SYCP3: variants seen among roughly 807,000 people sequenced by gnomAD.
The protein encoded by SYCP3 is synaptonemal complex protein 3.
Under a neutral mutation model 38.5 loss-of-function variants are expected in SYCP3, and 29 were observed. That is an observed-to-expected ratio of 0.75 (90% CI 0.56 to 1.03). The LOEUF is 1.03. Among genes scored for constraint, SYCP3 ranks in the 50% least tolerant of loss-of-function variants. The probability of loss-of-function intolerance (pLI) is 0.00; values close to 1 mark genes in which losing one functional copy is unlikely to be tolerated. For missense variants in SYCP3, 242 were observed against 270.7 expected (o/e 0.89, Z 0.74); for synonymous variants, 79 against 80.3 (o/e 0.98, Z 0.08).
intron 1 of SYCP3, among the ~76,000 whole-genome samples, chr12:101,738,719 G>A (rs932275785): frequency 1.3e-5 from 2 of 152,244 alleles, no homozygotes; most frequent in Non-Finnish European, 2.9e-5. Flanking sequence ...CTGGGCGACA[G>A]AGTGAGACTT....
At chr12:101,734,795 G>GC in intron 5 of SYCP3, 132 bp downstream of exon 5, 1 of 650,476 alleles carries the variant, frequency 1.5e-6, no homozygotes, top group Admixed American at 2.2e-5. Context: ...TGATCTGCCT[G>GC]CCTTGGCCTC....
rs144021679 is a variant in SYCP3 at position 101,733,777 on chromosome 12, T to C, written c.354-103A>G. On this transcript the variant is annotated intron_variant, in intron 5 of 8. Coordinates refer to ENST00000392924, the MANE Select transcript of SYCP3 (RefSeq NM_001177949.2). ...AGTTATACTATATAAGAAAAGGAAA[T>C]ACCTGCAGCTTAAGTCTTCTGATGG... 1.2e-5 allele frequency: 12 copies of C among 1,011,794 alleles called. No homozygotes were observed. The African/African-American group carries it at 1.3e-4, about 11-fold the overall frequency. The allele number at this position is 1,011,794 out of a possible 1,614,324, so 62.7% of individuals were successfully genotyped here.
At chr12:101,739,106 C>G (rs1358144746) in intron 1 of SYCP3, among the ~76,000 whole-genome samples, 1 of 152,206 alleles carries the variant, frequency 6.6e-6, no homozygotes, top group Non-Finnish European at 1.5e-5. Context: ...AGGTAGGGCC[C>G]TGCCCGGCCC....
Position 101,731,577 on chromosome 12 carries a change from C to T in SYCP3, c.543G>A (p.Gln181=), listed in dbSNP as rs1303790310. Residue 181 remains glutamine (Q), a synonymous_variant, in exon 7 of 9, where the codon CAG becomes CAA. Coordinates refer to ENST00000392924, the MANE Select transcript of SYCP3 (RefSeq NM_001177949.2). ...ACCACATACAACAAACCTTTATGAA[C>T]TGCTCATATAACTGTTTAATTGTTT... ...RLKTIKQLYE[Q]FIKSMEELEK... is the part of the protein sequence containing the mutation. The T allele has an allele frequency of 3.7e-6, 6 of 1,601,016 alleles. No homozygotes were observed. In the African/African-American group the frequency reaches 8.0e-5, roughly 21 times the overall value.
At chr12:101,734,811 G>C (rs1566054457) in intron 5 of SYCP3, 116 bp downstream of exon 5, 1 of 739,878 alleles carries the variant, frequency 1.4e-6, no homozygotes. Context: ...GCCTCCCAAA[G>C]TGCTGGGATT....
rs1430641482 is a variant in SYCP3, at chr12:101,739,339, C to T, written c.-18+12G>A. On this transcript the variant is annotated intron_variant, in intron 1 of 8. Transcript: ENST00000392924. ...GACACCTGCGATAGACAGACGCCTC[C>T]CCTGCTCACACCTGAAACACACCGC... The T allele has an allele frequency of 2.2e-5, 22 of 1,002,718 alleles. No homozygotes were observed. The highest frequency in any genetic ancestry group is 9.4e-5 in the South Asian group (2 of 21,390). The allele number at this position is 1,002,718 out of a possible 1,614,324, so 62.1% of individuals were successfully genotyped here. A position where few individuals can be genotyped will look rare whatever the true frequency, so the allele number is the denominator to read the frequency against.
intron 7 of SYCP3, chr12:101,729,780 A>C (rs1810075157): frequency 6.6e-6 from 1 of 152,388 alleles, no homozygotes. Flanking sequence ...CATAGGAACA[A>C]AACAAAAATT....
intron 5 of SYCP3, among the ~76,000 whole-genome samples, chr12:101,734,353 A>T (rs1952313175): frequency 6.6e-6 from 1 of 152,216 alleles, no homozygotes; most frequent in African/African-American, 2.4e-5. Context: ...TGAGCCTAGG[A>T]GTTCAAGACC....
At chr12:101,735,871 A>ATATATATATATTTT in intron 4 of SYCP3, among the ~76,000 whole-genome samples, 2 of 74,790 alleles carry the variant, frequency 2.7e-5, no homozygotes, top group African/African-American at 1.3e-4. Context: ...ATATATATAT[A>ATATATATATATTTT]TTTTTTTTTT....
At chr12:101,736,706 A>G (rs1300953618) in intron 4 of SYCP3, among the ~76,000 whole-genome samples, 1 of 102,032 alleles carries the variant, frequency 9.8e-6, no homozygotes, top group Non-Finnish European at 1.9e-5. Context: ...GTATGTATGT[A>G]TATGTGTGTG....
Position 101,737,969 on chromosome 12 carries a change from T to A in SYCP3, c.-17-17A>T. On this transcript the variant is annotated splice_polypyrimidine_tract_variant and intron_variant, in intron 1 of 8. Transcript: ENST00000392924. The stretch of plus-strand genomic sequence containing the variant: ...GCTTCCTGACTTTAAAAAACAAATT[T>A]CTTTAACCTTCTGAATGCAAAGACA... 1 of 1,612,468 alleles carries A rather than the reference T, an allele frequency of 6.2e-7. No homozygotes were observed. Among genetic ancestry groups the A allele is most frequent in the Non-Finnish European group, 8.5e-7 (1 of 1,178,886 alleles).
intron 7 of SYCP3, among the ~76,000 whole-genome samples, chr12:101,729,947 A>G (rs1201243939): frequency 2.6e-5 from 4 of 152,140 alleles, no homozygotes; most frequent in South Asian, 2.1e-4. Flanking sequence ...ATGGAAGTAC[A>G]TAGTGAGCTG....
chr12:101,730,870 T>G (rs1274229505), intron 7 of SYCP3, among the ~76,000 whole-genome samples: 1 of 152,194 alleles, frequency 6.6e-6, no homozygotes, highest in Non-Finnish European at 1.5e-5. Context: ...TAATGTTATT[T>G]TAACATGTAT....
At chr12:101,734,739 A>C (rs1240765201) in intron 5 of SYCP3, among the ~76,000 whole-genome samples, 188 bp downstream of exon 5, 3 of 151,978 alleles carry the variant, frequency 2.0e-5, no homozygotes, top group Non-Finnish European at 4.4e-5. Context: ...GTAGAGATGG[A>C]GTTTCACCAT....
intron 6 of SYCP3, 32 bp downstream of exon 6, chr12:101,733,543 T>C (rs772817513): frequency 6.3e-7 from 1 of 1,577,312 alleles, no homozygotes; most frequent in Non-Finnish European, 8.7e-7. Context: ...ACTTGAGACT[T>C]GGTTGATTAT....
At chr12:101,738,471 T>G (rs188480183) in intron 1 of SYCP3, among the ~76,000 whole-genome samples, 1 of 147,672 alleles carries the variant, frequency 6.8e-6, no homozygotes, top group East Asian at 2.0e-4. Flanking sequence ...GCGCTGTGGC[T>G]CATGCCTGTA....
intron 4 of SYCP3, among the ~76,000 whole-genome samples, chr12:101,736,182 A>G (rs1286851427): frequency 1.3e-5 from 2 of 152,094 alleles, no homozygotes; most frequent in African/African-American, 2.4e-5. Flanking sequence ...ATTTTTACCC[A>G]TAAGAACTGC....
intron 1 of SYCP3, 96 bp from the exon 2 acceptor site, chr12:101,738,048 A>G (rs1952529942): frequency 5.1e-6 from 7 of 1,382,418 alleles, no homozygotes; most frequent in Non-Finnish European, 6.1e-6. Flanking sequence ...TCGAACAAGG[A>G]TTGTTGAATA....
rs538202675 is a variant in SYCP3, at chr12:101,737,152, G to A, written c.200+80C>T. 1.6e-5 allele frequency: 25 copies of A among 1,601,304 alleles called. No individual in the cohort carries two copies. In the East Asian group the frequency reaches 5.4e-4, roughly 34 times the overall value. On this transcript the variant is annotated intron_variant, in intron 3 of 8. Transcript: ENST00000392924. ...TTTTGGAAGAAATACCAGATGCCAA[G>A]TATTTTACATATATTATTTGTTAGC...
Sources: gnomAD v4.1 joint callset for allele counts (sites outside exome capture counted in the v4.1 genomes callset) on GRCh38, gnomAD v4.1.1 for gene constraint, MANE v1.5 for transcripts, NCBI Gene and HGNC (gene_info 2026-07-23, HGNC 2026-07-21) for gene names.